IQCK: variants seen among roughly 807,000 people sequenced by gnomAD.
IQCK encodes the protein IQ motif containing K.
Under a neutral mutation model 28.1 loss-of-function variants are expected in IQCK, and 29 were observed. The observed-to-expected ratio is 1.03, with a 90% CI of 0.77 to 1.41. The LOEUF is 1.41. Ranked by LOEUF, IQCK falls within the 40% of genes most tolerant of loss-of-function variation. The pLI, the probability that IQCK is intolerant of heterozygous loss-of-function variation, is 0.00. For synonymous variants in IQCK, 113 were observed against 115.1 expected, an observed-to-expected ratio of 0.98 and a Z score of 0.12; for missense variants, 359 against 314.7, an observed-to-expected ratio of 1.14 and a Z score of -1.07.
chr16:19,793,643 G>GGTT (rs2055650582), intron 7 of IQCK, among the ~76,000 whole-genome samples: 1 of 61,798 alleles, frequency 1.6e-5, no homozygotes, highest in Non-Finnish European at 2.6e-5. Context: ...TCTCAGTTGG[G>GGTT]TTTTTTTTTT....
At chr16:19,730,721 C>G (rs561518777) in intron 2 of IQCK, among the ~76,000 whole-genome samples, 3 of 145,542 alleles carry the variant, frequency 2.1e-5, no homozygotes, top group African/African-American at 8.5e-5. Flanking sequence ...GTCTGTCTAT[C>G]TATCTGTCTG....
chr16:19,785,017 C>A (rs570723859), intron 6 of IQCK, among the ~76,000 whole-genome samples: 1 of 152,322 alleles, frequency 6.6e-6, no homozygotes, highest in African/African-American at 2.4e-5. Flanking sequence ...GATCCACCCG[C>A]CCCGGCCTTC....
At chr16:19,803,755 C>T (rs559776276) in intron 7 of IQCK, among the ~76,000 whole-genome samples, 95 of 152,206 alleles carry the variant, frequency 6.2e-4, no homozygotes, top group Non-Finnish European at 1.1e-3. Flanking sequence ...TGAGTTCAAA[C>T]GATTCTCCCA....
chr16:19,775,985 C>G (rs1270258364), intron 6 of IQCK, among the ~76,000 whole-genome samples: 2 of 141,230 alleles, frequency 1.4e-5, no homozygotes, highest in Admixed American at 1.6e-4. Context: ...CATTTCAAGC[C>G]ATTCTCCTGT....
intron 7 of IQCK, among the ~76,000 whole-genome samples, chr16:19,799,661 ATAACT>A (rs2055736475): frequency 7.5e-6 from 1 of 133,840 alleles, no homozygotes; most frequent in Non-Finnish European, 1.5e-5. Flanking sequence ...ACATTGAGTC[ATAACT>A]TAATCATAGG....
intron 6 of IQCK, among the ~76,000 whole-genome samples, chr16:19,777,313 G>A (rs930033739): frequency 6.6e-6 from 1 of 152,114 alleles, no homozygotes; most frequent in African/African-American, 2.4e-5. Flanking sequence ...AGCTCCAGTC[G>A]CTTGATGATC....
At chr16:19,856,551 A>T in exon 10 of IQCK, 1 of 1,613,288 alleles carries the variant, frequency 6.2e-7, no homozygotes, top group East Asian at 2.2e-5. Flanking sequence ...CATCTTAACC[A>T]TAGCTAAGAC....
At chr16:19,775,801 G>A (rs1303603748) in intron 6 of IQCK, among the ~76,000 whole-genome samples, 1 of 151,100 alleles carries the variant, frequency 6.6e-6, no homozygotes, top group East Asian at 1.9e-4. Flanking sequence ...TTGCGGGGGA[G>A]GCAGGGATAC....
chr16:19,738,092 G>A (rs912085169), intron 4 of IQCK, among the ~76,000 whole-genome samples: 2 of 152,132 alleles, frequency 1.3e-5, no homozygotes, highest in Non-Finnish European at 2.9e-5. Flanking sequence ...GTCTCCCCCT[G>A]TATTTTAAGT....
chr16:19,772,870 G>A (rs2055337618), intron 6 of IQCK, among the ~76,000 whole-genome samples: 1 of 152,014 alleles, frequency 6.6e-6, no homozygotes, highest in African/African-American at 2.4e-5. Context: ...GATCATGGTG[G>A]TGCTCACCTG....
chr16:19,844,747 T>TAAC (rs889649459), intron 9 of IQCK, among the ~76,000 whole-genome samples: 16 of 152,166 alleles, frequency 1.1e-4, no homozygotes, highest in Middle Eastern at 3.4e-3. Context: ...GTAAAAACAA[T>TAAC]AACAACAACA....
intron 1 of IQCK, among the ~76,000 whole-genome samples, chr16:19,719,176 G>A (rs528872869): frequency 6.6e-6 from 1 of 152,210 alleles, no homozygotes; most frequent in Non-Finnish European, 1.5e-5. Flanking sequence ...GTCACAAAAA[G>A]TGCTTAGCAA....
At chr16:19,751,056 A>G (rs181072047) in intron 4 of IQCK, among the ~76,000 whole-genome samples, 19 of 152,172 alleles carry the variant, frequency 1.2e-4, no homozygotes, top group African/African-American at 3.6e-4. Flanking sequence ...GCCCCTAGGA[A>G]GTCTCCTGAA....
At chr16:19,767,866 C>CGA (rs1267129860) in intron 6 of IQCK, among the ~76,000 whole-genome samples, 1 of 151,566 alleles carries the variant, frequency 6.6e-6, no homozygotes, top group Admixed American at 6.6e-5. Context: ...GGTGACAGAG[C>CGA]GAGACTCCAT....
rs116248662 is a variant in IQCK, at chr16:19,720,392, C to G, written c.181+1905C>G. Among the ~76,000 whole-genome samples, 297 of 152,286 alleles carry G rather than the reference C, an allele frequency of 2.0e-3. 3 individuals carry two copies. The highest frequency in any genetic ancestry group is 7.0e-3 in the African/African-American group (289 of 41,558). On this transcript the variant is annotated intron_variant, in intron 1 of 7. Coordinates refer to ENST00000564186, the Ensembl canonical transcript of IQCK. The stretch of plus-strand genomic sequence containing the variant: ...CCCCAGAGCTTTCACTTCTCCAAGC[C>G]AAACAGTTTCTTATAATACAGTTTA...
At chr16:19,718,331 A>C in exon 1 of IQCK, 1 of 1,609,504 alleles carries the variant, frequency 6.2e-7, no homozygotes, top group Non-Finnish European at 8.5e-7. Context: ...GCAAATCCCC[A>C]GCCACATAGT....
intron 9 of IQCK, among the ~76,000 whole-genome samples, chr16:19,843,216 A>G (rs1371814475): frequency 6.6e-6 from 1 of 152,168 alleles, no homozygotes; most frequent in East Asian, 1.9e-4. Flanking sequence ...TATAATTCAT[A>G]TATCATGCAA....
intron 1 of IQCK, among the ~76,000 whole-genome samples, chr16:19,725,456 CA>C (rs1977625493): frequency 6.6e-6 from 1 of 152,186 alleles, no homozygotes; most frequent in East Asian, 1.9e-4. Flanking sequence ...CTTGGCTTCC[CA>C]AAATGTTAGG....
At chr16:19,811,316 CA>C (rs1338058109) in intron 7 of IQCK, among the ~76,000 whole-genome samples, 2 of 152,282 alleles carry the variant, frequency 1.3e-5, no homozygotes, top group East Asian at 3.9e-4. Context: ...TCTAGCATAG[CA>C]AACTTTGCTG....
Sources: gnomAD v4.1 joint callset for allele counts (sites outside exome capture counted in the v4.1 genomes callset) on GRCh38, gnomAD v4.1.1 for gene constraint, MANE v1.5 for transcripts, NCBI Gene and HGNC (gene_info 2026-07-23, HGNC 2026-07-21) for gene names.